TASP1: variants seen among roughly 807,000 people sequenced by gnomAD.
The protein encoded by TASP1 is taspase 1.
TASP1 carries 16 observed loss-of-function variants against 56.6 expected under a neutral mutation model. The ratio of observed to expected loss-of-function variants is 0.28; its 90% CI spans 0.19 to 0.43. TASP1 has a LOEUF of 0.43. Among genes scored for constraint, TASP1 ranks in the 20% least tolerant of loss-of-function variants. TASP1 has a pLI of 1.00. For missense variants in TASP1, 393 were observed against 511.6 expected, an observed-to-expected ratio of 0.77 and a Z score of 2.24; for synonymous variants, 179 against 184.2, an observed-to-expected ratio of 0.97 and a Z score of 0.23.
chr20:13,467,104 C>T (rs1012376187), intron 11 of TASP1, among the ~76,000 whole-genome samples: 4 of 151,490 alleles, frequency 2.6e-5, no homozygotes, highest in Non-Finnish European at 4.4e-5. Flanking sequence ...TTTATATATG[C>T]TTCACCTAGA....
chr20:13,528,400 G>A (rs759296917), intron 10 of TASP1, 33 bp downstream of exon 10: 8 of 1,576,224 alleles, frequency 5.1e-6, no homozygotes, highest in Non-Finnish European at 6.9e-6. Flanking sequence ...CAAGGTTGAA[G>A]TTATGAGAAA....
At chr20:13,410,835 A>G (rs1470281937) in intron 13 of TASP1, among the ~76,000 whole-genome samples, 1 of 152,104 alleles carries the variant, frequency 6.6e-6, no homozygotes. Flanking sequence ...GTTTAATAAG[A>G]GTCCTATTTG....
At chr20:13,379,498 A>G in the TASP1 span, among the ~76,000 whole-genome samples, 7 of 151,878 alleles carry the variant, frequency 4.6e-5, no homozygotes, top group Non-Finnish European at 1.0e-4. Flanking sequence ...CTCTCTGGCT[A>G]CCCTTAATAT....
At chr20:13,480,262 A>T (rs911360173) in intron 11 of TASP1, among the ~76,000 whole-genome samples, 1 of 152,240 alleles carries the variant, frequency 6.6e-6, no homozygotes, top group Admixed American at 6.5e-5. Flanking sequence ...CAACTTGTTT[A>T]ACCAATGAGA....
intron 10 of TASP1, among the ~76,000 whole-genome samples, chr20:13,490,534 A>T (rs2043487194): frequency 6.6e-6 from 1 of 152,186 alleles, no homozygotes; most frequent in African/African-American, 2.4e-5. Context: ...ATTAGCTTAC[A>T]TTACAAAAAG....
At chr20:13,519,864 T>C (rs1193035981) in intron 10 of TASP1, among the ~76,000 whole-genome samples, 1 of 152,206 alleles carries the variant, frequency 6.6e-6, no homozygotes, top group African/African-American at 2.4e-5. Context: ...ATTGTATATC[T>C]AGAAAACCTC....
chr20:13,144,241 T>C, the TASP1 span, among the ~76,000 whole-genome samples: 1 of 152,188 alleles, frequency 6.6e-6, no homozygotes, highest in Non-Finnish European at 1.5e-5. Context: ...CTTCTTTTAT[T>C]GGGCACTTGA....
intron 13 of TASP1, among the ~76,000 whole-genome samples, chr20:13,414,190 C>T (rs1402698649): frequency 6.6e-6 from 1 of 152,086 alleles, no homozygotes; most frequent in Non-Finnish European, 1.5e-5. Flanking sequence ...TATTGAAGAA[C>T]ACGTTTCTTT....
intron 12 of TASP1, 130 bp from the exon 13 acceptor site, chr20:13,417,651 T>C: frequency 3.3e-6 from 3 of 904,534 alleles, no homozygotes; most frequent in South Asian, 3.8e-5. Context: ...CATTTGCTTG[T>C]TCATAAATGT....
At chr20:13,505,480 T>C (rs1322042412) in intron 10 of TASP1, among the ~76,000 whole-genome samples, 2 of 152,110 alleles carry the variant, frequency 1.3e-5, no homozygotes, top group African/African-American at 4.8e-5. Flanking sequence ...TCTGCAGGAT[T>C]TTCTCAAGTG....
intron 10 of TASP1, among the ~76,000 whole-genome samples, chr20:13,514,653 C>T (rs2044456416): frequency 6.6e-6 from 1 of 152,124 alleles, no homozygotes; most frequent in Admixed American, 6.6e-5. Flanking sequence ...TAGTTGAAGT[C>T]TCTATTTCTT....
At chr20:13,121,571 C>A in the TASP1 span, among the ~76,000 whole-genome samples, 3 of 152,084 alleles carry the variant, frequency 2.0e-5, no homozygotes, top group Admixed American at 1.3e-4. Context: ...AACCTCGATA[C>A]GAGGAGACCT....
At chr20:13,288,143 T>C in the TASP1 span, among the ~76,000 whole-genome samples, 1 of 152,210 alleles carries the variant, frequency 6.6e-6, no homozygotes, top group African/African-American at 2.4e-5. Flanking sequence ...GCCCAGATTC[T>C]AGAGAAAATA....
At chr20:13,582,439 T>G (rs1339966505) in intron 5 of TASP1, among the ~76,000 whole-genome samples, 1 of 151,562 alleles carries the variant, frequency 6.6e-6, no homozygotes, top group African/African-American at 2.4e-5. Flanking sequence ...AACTTATAAA[T>G]CCAATTCTCC....
chr20:13,120,870 C>T, the TASP1 span, among the ~76,000 whole-genome samples: 1 of 152,158 alleles, frequency 6.6e-6, no homozygotes, highest in East Asian at 1.9e-4. Flanking sequence ...CAGAGTTTTG[C>T]TGTTTTGCTC....
chr20:13,529,839 C>T (rs183499102), intron 9 of TASP1, among the ~76,000 whole-genome samples: 6 of 152,132 alleles, frequency 3.9e-5, no homozygotes, highest in Non-Finnish European at 7.4e-5. Flanking sequence ...AGAAATCATT[C>T]GCTCCAATAT....
intron 8 of TASP1, among the ~76,000 whole-genome samples, chr20:13,546,395 A>G (rs533029168): frequency 2.0e-5 from 3 of 152,232 alleles, no homozygotes; most frequent in East Asian, 3.9e-4. Flanking sequence ...AAACCTCAAC[A>G]CTTCTTCACA....
chr20:13,581,104 A>C (rs1040701271), intron 5 of TASP1, 123 bp from the exon 6 acceptor site: 7 of 785,086 alleles, frequency 8.9e-6, no homozygotes, highest in African/African-American at 1.7e-5. Flanking sequence ...TTTTCGATAT[A>C]TCAAATAATA....
Position 13,523,195 on chromosome 20 carries a change from G to A in TASP1, c.874+5238C>T, listed in dbSNP as rs2146818296. Among the ~76,000 whole-genome samples, 3 of 152,194 alleles carry A rather than the reference G, an allele frequency of 2.0e-5. No homozygotes were observed. The South Asian group carries it at 6.2e-4, about 32-fold the overall frequency. ...GAAATGGGGAGAGGGCTAGAAGGAAGACTGGAACCCTAGGTGATTTGCACT... is the reference window on the plus strand; with the variant it reads ...GAAATGGGGAGAGGGCTAGAAGGAAAACTGGAACCCTAGGTGATTTGCACT... On this transcript the variant is annotated intron_variant, in intron 10 of 13. Transcript: ENST00000337743.
Sources: gnomAD v4.1 joint callset for allele counts (sites outside exome capture counted in the v4.1 genomes callset) on GRCh38, gnomAD v4.1.1 for gene constraint, MANE v1.5 for transcripts, NCBI Gene and HGNC (gene_info 2026-07-23, HGNC 2026-07-21) for gene names.